PIP5K1B: variants seen among roughly 807,000 people sequenced by gnomAD.
PIP5K1B encodes the protein phosphatidylinositol 4-phosphate 5-kinase type-1 beta.
PIP5K1B carries 42 observed loss-of-function variants against 67.0 expected under a neutral mutation model. The observed-to-expected ratio is 0.63, with a 90% CI of 0.49 to 0.81. The LOEUF is 0.81. Ranked by LOEUF, PIP5K1B falls within the 30% of genes least tolerant of loss-of-function variation. The pLI is 0.00. For missense variants in PIP5K1B, 459 were observed against 646.3 expected, an observed-to-expected ratio of 0.71 and a Z score of 3.14; for synonymous variants, 214 against 231.4, an observed-to-expected ratio of 0.92 and a Z score of 0.68.
At chr9:68,789,216 C>A in intron 2 of PIP5K1B, 1 of 509,524 alleles carries the variant, frequency 2.0e-6, no homozygotes. Context: ...ATTGGTGCTT[C>A]CTGTGATGGT....
chr9:68,825,730 T>C (rs540424994), intron 4 of PIP5K1B, among the ~76,000 whole-genome samples: 1 of 152,150 alleles, frequency 6.6e-6, no homozygotes, highest in East Asian at 1.9e-4. Context: ...TAGCTCACAG[T>C]GGAGTGGGAG....
rs557680969 is a variant in PIP5K1B, at chr9:68,975,313, C to G, written c.1503-15827C>G. Among the ~76,000 whole-genome samples the G allele has an allele frequency of 2.1e-5, 3 of 143,372 alleles. No individual in the cohort carries two copies. In the South Asian group the frequency reaches 6.3e-4, roughly 30 times the overall value. 94.1% of individuals were successfully genotyped at this position (143,372 alleles called of 152,430 possible). Reference sequence around the variant, plus strand: ...CAAACTCCTGGACTCAAATAATCTACCTGCCTTAGCCTCCCAAAGTGCTGG... The same window carrying G: ...CAAACTCCTGGACTCAAATAATCTAGCTGCCTTAGCCTCCCAAAGTGCTGG... On this transcript the variant is annotated intron_variant, in intron 14 of 15. Coordinates refer to ENST00000265382, the MANE Select transcript of PIP5K1B (RefSeq NM_003558.4).
rs913272412 is a variant in PIP5K1B at position 68,919,374 on chromosome 9, A to C, written c.984-105A>C. 3.9e-5 allele frequency: 24 copies of C among 617,394 alleles called. No homozygotes were observed. The African/African-American group carries it at 4.6e-4, about 12-fold the overall frequency. 38.2% of individuals were successfully genotyped at this position (617,394 alleles called of 1,614,324 possible). A position where few individuals can be genotyped will look rare whatever the true frequency, so the allele number is the denominator to read the frequency against. On this transcript the variant is annotated intron_variant, in intron 9 of 15. Transcript: ENST00000265382. ...GAATGGGAGATAGCCCAGAATTCTT[A>C]AAAATTGTCAATTTTTATTTTCAGT...
chr9:68,774,458 T>TAC (rs1298754381), intron 2 of PIP5K1B, among the ~76,000 whole-genome samples: 1 of 152,222 alleles, frequency 6.6e-6, no homozygotes, highest in African/African-American at 2.4e-5. Context: ...TTGAAGTACA[T>TAC]ACATTCTTAT....
intron 14 of PIP5K1B, among the ~76,000 whole-genome samples, chr9:68,971,059 T>A (rs1237128365): frequency 6.6e-6 from 1 of 152,188 alleles, no homozygotes; most frequent in African/African-American, 2.4e-5. Flanking sequence ...CGTGCAGGTT[T>A]GTTACATAGG....
intron 8 of PIP5K1B, among the ~76,000 whole-genome samples, chr9:68,901,497 G>T (rs1825350189): frequency 6.6e-6 from 1 of 152,156 alleles, no homozygotes; most frequent in South Asian, 2.1e-4. Flanking sequence ...GATCTCAAAT[G>T]ATCCTCCTGC....
chr9:68,748,613 C>CTTTTTTTTTTTTTTTTTTTTTTT (rs58954806), intron 2 of PIP5K1B, among the ~76,000 whole-genome samples: 2 of 98,300 alleles, frequency 2.0e-5, no homozygotes, highest in Non-Finnish European at 3.9e-5. Context: ...GATTTCTTTT[C>CTTTTTTTTTTTTTTTTTTTTTTT]TTTTTTTTTT....
chr9:68,771,859 A>G (rs1478703311), intron 2 of PIP5K1B, among the ~76,000 whole-genome samples: 4 of 152,206 alleles, frequency 2.6e-5, no homozygotes, highest in African/African-American at 9.6e-5. Flanking sequence ...TTCATTTCCT[A>G]CTATCAAATT....
chr9:68,923,235 A>T (rs145831190), intron 11 of PIP5K1B, 67 bp from the exon 12 acceptor site: 2 of 875,036 alleles, frequency 2.3e-6, no homozygotes, highest in Non-Finnish European at 3.8e-6. Flanking sequence ...AATTGCATAG[A>T]TCTCTCTTCT....
intron 4 of PIP5K1B, among the ~76,000 whole-genome samples, chr9:68,826,349 G>A (rs1017788593): frequency 6.6e-6 from 1 of 152,200 alleles, no homozygotes; most frequent in African/African-American, 2.4e-5. Flanking sequence ...GGGGCAGCAG[G>A]CAGTCAGCTC....
At chr9:68,779,215 G>A (rs1831085339) in intron 2 of PIP5K1B, among the ~76,000 whole-genome samples, 2 of 151,884 alleles carry the variant, frequency 1.3e-5, no homozygotes, top group Non-Finnish European at 2.9e-5. Context: ...AATTACATGA[G>A]CCAAGAATTG....
intron 2 of PIP5K1B, among the ~76,000 whole-genome samples, chr9:68,778,102 G>A (rs1221848234): frequency 1.9e-5 from 2 of 106,882 alleles, no homozygotes; most frequent in Non-Finnish European, 4.2e-5. Flanking sequence ...TAATTCATGC[G>A]AAATTCTCTC....
chr9:68,783,667 T>G (rs940155847), intron 2 of PIP5K1B: 1 of 167,060 alleles, frequency 6.0e-6, no homozygotes, highest in Non-Finnish European at 1.5e-5. Context: ...GTCTTACTGA[T>G]TTTTATCAGC....
At chr9:68,854,020 A>G (rs1024334389) in intron 4 of PIP5K1B, among the ~76,000 whole-genome samples, 7 of 97,670 alleles carry the variant, frequency 7.2e-5, no homozygotes, top group Non-Finnish European at 1.4e-4. Flanking sequence ...AAAAGCATAT[A>G]TAAGTTTTTA....
intron 2 of PIP5K1B, among the ~76,000 whole-genome samples, chr9:68,808,385 A>ACC (rs11441361): frequency 3.4e-4 from 52 of 150,810 alleles, no homozygotes; most frequent in East Asian, 9.7e-4. Flanking sequence ...CTAACTAATT[A>ACC]CTCCCCCCGA....
Position 68,993,516 on chromosome 9 carries a change from A to AT in PIP5K1B, c.1620+2266dup, listed in dbSNP as rs567492162. Among the ~76,000 whole-genome samples the AT allele has an allele frequency of 2.8e-3, 423 of 152,222 alleles. 2 individuals carry two copies. Among genetic ancestry groups the AT allele is most frequent in the African/African-American group, 9.9e-3 (411 of 41,544 alleles). On this transcript the variant is annotated intron_variant, in intron 15 of 15. Coordinates refer to ENST00000265382, the MANE Select transcript of PIP5K1B (RefSeq NM_003558.4). ...AATATCCTAGTTTTTGCATAAACAA[A>AT]TTTTTTTGCACTGAGCAATGCTCCA...
At chr9:68,781,066 A>G (rs1363132776) in intron 2 of PIP5K1B, 1 of 1,582,358 alleles carries the variant, frequency 6.3e-7, no homozygotes, top group East Asian at 2.2e-5. Context: ...CAGTGGAGAG[A>G]GAGAATAATC....
At chr9:68,880,589 GCATACACACACACACACACACACA>G (rs1564202499) in intron 6 of PIP5K1B, among the ~76,000 whole-genome samples, 2 of 34,944 alleles carry the variant, frequency 5.7e-5, no homozygotes, top group East Asian at 1.1e-3. Flanking sequence ...ACACACACAC[GCATACACACACACACACACACACA>G]CACGCATACA....
At chr9:68,961,395 T>C (rs1328648197) in intron 14 of PIP5K1B, among the ~76,000 whole-genome samples, 2 of 152,196 alleles carry the variant, frequency 1.3e-5, no homozygotes, top group Non-Finnish European at 2.9e-5. Flanking sequence ...ACTCTGAATA[T>C]ACCAAAAGCC....
Sources: allele counts gnomAD v4.1 joint callset (sites outside exome capture counted in the v4.1 genomes callset), GRCh38; gene constraint gnomAD v4.1.1; transcripts MANE v1.5; gene names NCBI Gene and HGNC (gene_info 2026-07-23, HGNC 2026-07-21).